CCDC150: variants seen among roughly 807,000 people sequenced by gnomAD.
The protein encoded by CCDC150 is coiled-coil domain containing 150.
A neutral mutation model predicts 156.5 loss-of-function variants in CCDC150; 151 were observed. The observed-to-expected ratio is 0.97, with a 90% CI of 0.85 to 1.10. The LOEUF is 1.10. CCDC150 is among the 50% of genes least tolerant of loss of function. CCDC150 has a pLI of 0.00. For synonymous variants in CCDC150, 452 were observed against 429.4 expected, an observed-to-expected ratio of 1.05 and a Z score of -0.65; for missense variants, 1,312 against 1,268.1, an observed-to-expected ratio of 1.03 and a Z score of -0.53.
intron 15 of CCDC150, among the ~76,000 whole-genome samples, chr2:196,707,057 T>C (rs1470345710): frequency 6.6e-6 from 1 of 152,242 alleles, no homozygotes; most frequent in Admixed American, 6.5e-5. Context: ...CCTCTTTTTC[T>C]ATTGATTGGG....
chr2:196,664,273 C>T (rs971923177), intron 5 of CCDC150, among the ~76,000 whole-genome samples: 1 of 152,086 alleles, frequency 6.6e-6, no homozygotes, highest in African/African-American at 2.4e-5. Flanking sequence ...ACAAGATTGC[C>T]CCCCACTTTA....
chr2:196,729,756 T>C (rs1169383105), intron 23 of CCDC150, 37 bp from the exon 24 acceptor site: 29 of 1,396,480 alleles, frequency 2.1e-5, no homozygotes, highest in African/African-American at 2.9e-5. Context: ...GTTTTTCCAC[T>C]GATCATCTTT....
chr2:196,642,470 C>T (rs1448010992), intron 1 of CCDC150, among the ~76,000 whole-genome samples: 3 of 152,208 alleles, frequency 2.0e-5, no homozygotes, highest in Non-Finnish European at 4.4e-5. Flanking sequence ...ATGAGAATCT[C>T]TCTCTAACTT....
chr2:196,685,073 C>T (rs116056076), intron 13 of CCDC150, among the ~76,000 whole-genome samples: 210 of 152,014 alleles, frequency 1.4e-3, no homozygotes, highest in African/African-American at 4.7e-3. Context: ...GGATTTATAT[C>T]TGCCATTTTG....
Position 196,672,271 on chromosome 2 carries a change from A to G in CCDC150, c.937-74A>G, listed in dbSNP as rs187165523. On this transcript the variant is annotated intron_variant, in intron 8 of 27. Transcript: ENST00000389175. ...CTTGAACTTGTACTGGCCGAAATAC[A>G]AAACAGTTATTTTTATAGGGGTGCA... 3.0e-4 allele frequency: 193 copies of G among 647,704 alleles called. 1 individual carries two copies. Among genetic ancestry groups the G allele is most frequent in the Middle Eastern group, 2.4e-3 (9 of 3,788 alleles). 40.1% of individuals were successfully genotyped at this position (647,704 alleles called of 1,614,324 possible).
chr2:196,690,236 G>A (rs976271563), intron 13 of CCDC150, among the ~76,000 whole-genome samples: 1 of 150,534 alleles, frequency 6.6e-6, no homozygotes, highest in Middle Eastern at 3.4e-3. Flanking sequence ...GGGGAGGCGG[G>A]AGGGAGGAGG....
Position 196,732,015 on chromosome 2 carries a change from T to G in CCDC150, c.3070-18T>G, listed in dbSNP as rs369079193. On this transcript the variant is annotated intron_variant, in intron 26 of 27. Coordinates refer to ENST00000389175, the MANE Select transcript of CCDC150 (RefSeq NM_001080539.2). ...ACTCTTTCTTTGTGTCTTTTAATGG[T>G]GATATTTATATGTTCAGATAACAGC... 6.2e-7 allele frequency: 1 copy of G among 1,609,584 alleles called. No homozygotes were observed. Among genetic ancestry groups the G allele is most frequent in the South Asian group, 1.1e-5 (1 of 90,288 alleles).
At chr2:196,720,266 A>C (rs1464636835) in intron 19 of CCDC150, 2 of 333,360 alleles carry the variant, frequency 6.0e-6, no homozygotes, top group Admixed American at 4.7e-5. Flanking sequence ...TTTACATTAC[A>C]TATTGTTTAT....
At chr2:196,694,506 A>G (rs1363862051) in intron 13 of CCDC150, among the ~76,000 whole-genome samples, 1 of 152,186 alleles carries the variant, frequency 6.6e-6, no homozygotes, top group Admixed American at 6.5e-5. Context: ...AAAAGAGAGA[A>G]AAAGGGTTCT....
chr2:196,697,785 G>A (rs1695925989), intron 14 of CCDC150, among the ~76,000 whole-genome samples: 1 of 152,110 alleles, frequency 6.6e-6, no homozygotes, highest in African/African-American at 2.4e-5. Context: ...TCTTCTAACA[G>A]CTTCTGCTAA....
In CCDC150 at chr2:196,709,096, G is replaced by T. The variant is rs893189245; in HGVS notation, c.1696-3049G>T. On this transcript the variant is annotated intron_variant, in intron 15 of 27. Coordinates refer to ENST00000389175, the MANE Select transcript of CCDC150 (RefSeq NM_001080539.2). ...TCTCCTGGATAATATCCTGAAGAGT[G>T]TTTTCCATCTTGGTTCCATGCTCCC... Among the ~76,000 whole-genome samples, 4 of 152,278 alleles carry T rather than the reference G, an allele frequency of 2.6e-5. No individual in the cohort carries two copies. The East Asian group carries it at 5.8e-4, about 22-fold the overall frequency.
chr2:196,707,793 G>A (rs1696772023), intron 15 of CCDC150, among the ~76,000 whole-genome samples: 1 of 152,140 alleles, frequency 6.6e-6, no homozygotes, highest in Admixed American at 6.5e-5. Context: ...GGAGCACCAG[G>A]TTGTTCAGTT....
chr2:196,719,312 T>C (rs1454803560), intron 18 of CCDC150, 185 bp from the exon 19 acceptor site: 3 of 443,578 alleles, frequency 6.8e-6, no homozygotes, highest in Non-Finnish European at 1.1e-5. Flanking sequence ...GGATCAGCTT[T>C]TCTTTTTCTC....
intron 15 of CCDC150, among the ~76,000 whole-genome samples, chr2:196,709,361 T>G (rs1696915052): frequency 6.6e-6 from 1 of 152,196 alleles, no homozygotes; most frequent in Non-Finnish European, 1.5e-5. Context: ...CATCAGGTCA[T>G]TTATGGTCTT....
chr2:196,730,785 T>C, intron 25 of CCDC150, 74 bp from the exon 26 acceptor site: 1 of 1,126,408 alleles, frequency 8.9e-7, no homozygotes, highest in Non-Finnish European at 1.3e-6. Context: ...GTTGCCCATT[T>C]ATTATAACAG....
intron 13 of CCDC150, among the ~76,000 whole-genome samples, chr2:196,690,636 C>T (rs1474496306): frequency 6.6e-6 from 1 of 151,838 alleles, no homozygotes; most frequent in Non-Finnish European, 1.5e-5. Context: ...GTTACAGGAT[C>T]ATGTCATCTG....
At chr2:196,718,688 T>C in intron 18 of CCDC150, 57 bp downstream of exon 18, 1 of 1,586,292 alleles carries the variant, frequency 6.3e-7, no homozygotes. Flanking sequence ...TTATGAAATC[T>C]TTCATGAGCC....
chr2:196,719,790 T>C (rs1575957459), intron 19 of CCDC150, 124 bp downstream of exon 19: 1 of 594,878 alleles, frequency 1.7e-6, no homozygotes, highest in Non-Finnish European at 2.6e-6. Context: ...CAAAATGATA[T>C]GTTGAAAGAA....
intron 13 of CCDC150, chr2:196,686,296 A>G (rs75141190): frequency 0.031 from 5,559 of 179,312 alleles, 147 homozygotes; most frequent in Non-Finnish European, 0.036. Flanking sequence ...ACAGCTGGGC[A>G]AGTTCAACAA....
Sources: gnomAD v4.1 joint callset for allele counts (sites outside exome capture counted in the v4.1 genomes callset) on GRCh38, gnomAD v4.1.1 for gene constraint, MANE v1.5 for transcripts, NCBI Gene and HGNC (gene_info 2026-07-23, HGNC 2026-07-21) for gene names.